Variants in MYO1D observed in about 807,000 individuals in gnomAD.
The protein encoded by MYO1D is unconventional myosin-Id.
A neutral mutation model predicts 122.0 loss-of-function variants in MYO1D; 83 were observed. The ratio of observed to expected loss-of-function variants is 0.68; its 90% CI spans 0.57 to 0.82. The LOEUF (loss-of-function observed/expected upper bound fraction) is 0.82, where lower values mean the gene tolerates loss of function less well. Among genes scored for constraint, MYO1D ranks in the 40% least tolerant of loss-of-function variants. MYO1D has a pLI of 0.00. For missense variants in MYO1D, 1,157 were observed against 1,269.5 expected, an observed-to-expected ratio of 0.91 and a Z score of 1.35; for synonymous variants, 464 against 446.9, an observed-to-expected ratio of 1.04 and a Z score of -0.48.
chr17:32,765,103 T>C (rs1391524617), intron 7 of MYO1D, 22 bp from the exon 8 acceptor site: 1 of 1,567,364 alleles, frequency 6.4e-7, no homozygotes, highest in East Asian at 2.2e-5. Context: ...GTGAAAAAAA[T>C]AACACATTAT....
At chr17:32,700,537 A>G (rs557726561) in intron 16 of MYO1D, among the ~76,000 whole-genome samples, 4 of 152,332 alleles carry the variant, frequency 2.6e-5, no homozygotes, top group Admixed American at 6.5e-5. Flanking sequence ...GAAAGAAAAA[A>G]CTGAACGAAG....
chr17:32,821,391 GAAAT>G (rs1455930124), intron 1 of MYO1D, among the ~76,000 whole-genome samples: 1 of 152,050 alleles, frequency 6.6e-6, no homozygotes, highest in African/African-American at 2.4e-5. Flanking sequence ...CTAAAATAAA[GAAAT>G]GAATGAATAC....
chr17:32,683,385 T>C (rs1414011263), intron 16 of MYO1D, among the ~76,000 whole-genome samples: 1 of 152,270 alleles, frequency 6.6e-6, no homozygotes. Flanking sequence ...TGGTTTTATC[T>C]ACTTTTGGTC....
At chr17:32,607,892 G>A (rs1259206046) in intron 20 of MYO1D, among the ~76,000 whole-genome samples, 1 of 152,136 alleles carries the variant, frequency 6.6e-6, no homozygotes, top group East Asian at 1.9e-4. Context: ...ATGAAGAAAG[G>A]ATAATGTGGG....
chr17:32,767,816 T>C, intron 6 of MYO1D, 64 bp from the exon 7 acceptor site: 1 of 1,209,654 alleles, frequency 8.3e-7, no homozygotes, highest in East Asian at 2.4e-5. Flanking sequence ...ATTCAACAAT[T>C]ATAAAACTAA....
In MYO1D at chr17:32,564,933, C is replaced by T. The variant is rs547675435; in HGVS notation, c.2864+40154G>A. ...CACAATTACGTTAAACAGTCCATCA[C>T]CCTTGATGATAACTCTTCCTGCTTC... On this transcript the variant is annotated intron_variant, in intron 21 of 21. Coordinates refer to ENST00000318217, the MANE Select transcript of MYO1D (RefSeq NM_015194.3). Among the ~76,000 whole-genome samples, 19 of 152,346 alleles carry T rather than the reference C, an allele frequency of 1.2e-4. No homozygotes were observed. The South Asian group carries it at 3.5e-3, about 28-fold the overall frequency.
chr17:32,738,367 C>A lies in MYO1D; in HGVS notation c.1632G>T (p.Lys544Asn). Residue 544 changes from lysine to asparagine, a missense_variant, in exon 14 of 22, where the codon AAG (lysine) becomes AAT (asparagine). Coordinates refer to ENST00000318217, the MANE Select transcript of MYO1D (RefSeq NM_015194.3). ...TCAGTTTGCCTTCAGGCCACATATT[C>A]TTGAGCACAGGATTTGAACTGAGAA... ...LMYNSSNPVL[K>N]NMWPEGKLSI... 6.3e-7 allele frequency: 1 copy of A among 1,598,652 alleles called. No homozygotes were observed. The highest frequency in any genetic ancestry group is 8.5e-7 in the Non-Finnish European group (1 of 1,172,964).
intron 21 of MYO1D, among the ~76,000 whole-genome samples, chr17:32,516,683 T>C (rs1451264572): frequency 6.6e-6 from 1 of 152,236 alleles, no homozygotes; most frequent in East Asian, 1.9e-4. Context: ...AGAAGGCCAA[T>C]TGCATCTGAT....
chr17:32,849,521 T>C (rs765294916), intron 1 of MYO1D, among the ~76,000 whole-genome samples: 41 of 151,278 alleles, frequency 2.7e-4, no homozygotes, highest in Middle Eastern at 6.8e-3. Flanking sequence ...TGTAGGGACA[T>C]GGATGAAACT....
At chr17:32,764,823 C>T (rs2090038274) in intron 8 of MYO1D, 55 bp downstream of exon 8, 1 of 1,567,772 alleles carries the variant, frequency 6.4e-7, no homozygotes. Flanking sequence ...CAGGATTTCA[C>T]TCAATTTGCA....
chr17:32,504,117 A>T (rs965092315), intron 21 of MYO1D, among the ~76,000 whole-genome samples: 2 of 152,204 alleles, frequency 1.3e-5, no homozygotes, highest in Non-Finnish European at 2.9e-5. Flanking sequence ...TCATGAACCA[A>T]CTGGGTCATA....
chr17:32,705,212 C>T (rs1322483105), intron 16 of MYO1D, among the ~76,000 whole-genome samples: 6 of 152,004 alleles, frequency 3.9e-5, no homozygotes, highest in Non-Finnish European at 8.8e-5. Context: ...GTGTATACAG[C>T]GGGCTGACTG....
intron 21 of MYO1D, among the ~76,000 whole-genome samples, chr17:32,532,449 C>T (rs926208056): frequency 6.4e-4 from 98 of 152,244 alleles, no homozygotes; most frequent in African/African-American, 1.9e-3. Context: ...AAGAAGGGGC[C>T]GGACACAGTG....
At chr17:32,717,426 A>G (rs2089462212) in intron 15 of MYO1D, among the ~76,000 whole-genome samples, 1 of 152,242 alleles carries the variant, frequency 6.6e-6, no homozygotes, top group Non-Finnish European at 1.5e-5. Context: ...GATTTAACAA[A>G]AAGTTTTACA....
At chr17:32,666,153 T>C (rs529901151) in intron 16 of MYO1D, among the ~76,000 whole-genome samples, 2 of 152,232 alleles carry the variant, frequency 1.3e-5, no homozygotes, top group South Asian at 4.1e-4. Flanking sequence ...AATTCCTCTT[T>C]ATATAGATTT....
intron 1 of MYO1D, among the ~76,000 whole-genome samples, chr17:32,850,361 C>G (rs2090975613): frequency 6.6e-6 from 1 of 152,078 alleles, no homozygotes; most frequent in South Asian, 2.1e-4. Flanking sequence ...GGACAATTGC[C>G]CATCCTCCAA....
At chr17:32,744,816 G>A (rs1346241946) in intron 13 of MYO1D, among the ~76,000 whole-genome samples, 1 of 152,178 alleles carries the variant, frequency 6.6e-6, no homozygotes, top group Admixed American at 6.5e-5. Context: ...ATATCAGAGC[G>A]GTCTCTTATT....
intron 19 of MYO1D, among the ~76,000 whole-genome samples, chr17:32,644,750 T>G (rs1401619955): frequency 6.6e-6 from 1 of 152,196 alleles, no homozygotes; most frequent in African/African-American, 2.4e-5. Context: ...TGCCTTTTTT[T>G]GTTTTCTATT....
intron 21 of MYO1D, among the ~76,000 whole-genome samples, chr17:32,567,472 G>A (rs966871255): frequency 2.6e-5 from 4 of 152,320 alleles, no homozygotes; most frequent in East Asian, 1.9e-4. Context: ...AGGTGTTGTC[G>A]TCACAATCCT....
Sources: allele counts gnomAD v4.1 joint callset (sites outside exome capture counted in the v4.1 genomes callset), GRCh38; gene constraint gnomAD v4.1.1; transcripts MANE v1.5; gene names NCBI Gene and HGNC (gene_info 2026-07-23, HGNC 2026-07-21).